The following ZNF813 variants were observed in gnomAD, a reference collection of about 807,000 sequenced individuals.
The protein encoded by ZNF813 is zinc finger protein 813.
In ZNF813, 3 loss-of-function variants were observed where a neutral mutation model predicts 7.2. The observed-to-expected ratio is 0.42, with a 90% CI of 0.19 to 1.08. ZNF813 has a LOEUF of 1.08. Ranked by LOEUF, ZNF813 falls within the 50% of genes least tolerant of loss-of-function variation. The pLI, the probability that ZNF813 is intolerant of heterozygous loss-of-function variation, is 0.30. For synonymous variants in ZNF813, 227 were observed against 256.3 expected (o/e 0.89, Z 1.09); for missense variants, 714 against 753.3 (o/e 0.95, Z 0.61).
chr19:53,485,517 G>T (rs1003639102), intron 2 of ZNF813, among the ~76,000 whole-genome samples: 6 of 151,418 alleles, frequency 4.0e-5, no homozygotes, highest in Non-Finnish European at 7.4e-5. Context: ...TTTTTTGTGA[G>T]TCTCTGTAGG....
intron 3 of ZNF813, 76 bp from the exon 4 acceptor site, chr19:53,490,299 G>GTA (rs1390301966): frequency 1.3e-6 from 2 of 1,500,536 alleles, no homozygotes; most frequent in Non-Finnish European, 1.8e-6. Context: ...AGTATTTTTT[G>GTA]TGTCACATTT....
chr19:53,468,612 G>T (rs2086340329), intron 1 of ZNF813, among the ~76,000 whole-genome samples: 1 of 152,112 alleles, frequency 6.6e-6, no homozygotes, highest in Admixed American at 6.6e-5. Flanking sequence ...TCTATATCAT[G>T]AATAAGTTCA....
Position 53,492,791 on chromosome 19 carries a change from A to G in ZNF813, c.*705A>G. 1 of 529,180 alleles carries G rather than the reference A, an allele frequency of 1.9e-6. No homozygotes were observed. Among genetic ancestry groups the G allele is most frequent in the Admixed American group, 2.3e-5 (1 of 43,572 alleles). 32.8% of individuals were successfully genotyped at this position (529,180 alleles called of 1,614,324 possible). On this transcript the variant is annotated 3_prime_UTR_variant, in exon 4 of 4. Transcript: ENST00000396403. ...CGAACTCATACTGGAGACAAACCTT[A>G]TAAATGTCATGATTGAGGCAAGGTC...
chr19:53,492,650 C>A lies in ZNF813; in HGVS notation c.*564C>A. ...ACTAATGTAATGATTGTCACCAAGTCTTCAGTAACGCTACAACCATTGCAA... is the reference window on the plus strand; with the variant it reads ...ACTAATGTAATGATTGTCACCAAGTATTCAGTAACGCTACAACCATTGCAA... On this transcript the variant is annotated 3_prime_UTR_variant, in exon 4 of 4. Transcript: ENST00000396403. 1 of 796,300 alleles carries A rather than the reference C, an allele frequency of 1.3e-6. No individual in the cohort carries two copies. Among genetic ancestry groups the A allele is most frequent in the South Asian group, 1.3e-5 (1 of 76,850 alleles). 49.3% of individuals were successfully genotyped at this position (796,300 alleles called of 1,614,324 possible). A position where few individuals can be genotyped will look rare whatever the true frequency, so the allele number is the denominator to read the frequency against.
At chr19:53,476,656 GT>G (rs919880822) in intron 1 of ZNF813, among the ~76,000 whole-genome samples, 6 of 151,412 alleles carry the variant, frequency 4.0e-5, no homozygotes, top group Non-Finnish European at 7.4e-5. Context: ...TTGTGGGAGA[GT>G]TTTTTTGTTT....
chr19:53,476,909 G>T (rs62115396), intron 1 of ZNF813, among the ~76,000 whole-genome samples: 19 of 152,086 alleles, frequency 1.2e-4, no homozygotes, highest in African/African-American at 3.4e-4. Flanking sequence ...TGATCCACCC[G>T]CCTTGGCCTC....
At chr19:53,467,920 A>G (rs868056295) in intron 1 of ZNF813, 131 bp downstream of exon 1, 1 of 151,526 alleles carries the variant, frequency 6.6e-6, no homozygotes, top group African/African-American at 2.4e-5. Context: ...AATTGAGACG[A>G]CCCCGTGAGA....
chr19:53,482,050 C>A (rs2086410843), intron 1 of ZNF813, among the ~76,000 whole-genome samples: 1 of 152,116 alleles, frequency 6.6e-6, no homozygotes, highest in African/African-American at 2.4e-5. Context: ...AGGGGCTAGA[C>A]CAGAAAAGCT....
intron 1 of ZNF813, among the ~76,000 whole-genome samples, chr19:53,483,486 C>A (rs2086418996): frequency 6.6e-6 from 1 of 152,170 alleles, no homozygotes; most frequent in African/African-American, 2.4e-5. Context: ...CCGCACCCAG[C>A]CTTTGCATGA....
At chr19:53,474,926 G>T (rs1468268915) in intron 1 of ZNF813, among the ~76,000 whole-genome samples, 2 of 152,124 alleles carry the variant, frequency 1.3e-5, no homozygotes, top group Admixed American at 6.5e-5. Context: ...GGGAGGAGAG[G>T]CATAGCTAAG....
intron 1 of ZNF813, among the ~76,000 whole-genome samples, chr19:53,482,363 A>G (rs1044711305): frequency 6.6e-6 from 1 of 152,182 alleles, no homozygotes; most frequent in African/African-American, 2.4e-5. Context: ...CCCCAGGACA[A>G]AAGGCCAACT....
chr19:53,485,667 C>T lies in ZNF813; in HGVS notation c.16-965C>T, dbSNP rs34483943. ...GTATGTCATGACATATATACACATA[C>T]ACACACAATGGATTTTCATACTTTG... is the stretch of plus-strand genomic sequence containing the variant. On this transcript the variant is annotated intron_variant, in intron 2 of 3. Coordinates refer to ENST00000396403, the MANE Select transcript of ZNF813 (RefSeq NM_001004301.4). Among the ~76,000 whole-genome samples the T allele has an allele frequency of 8.3e-4, 125 of 151,148 alleles. 1 individual carries two copies. The highest frequency in any genetic ancestry group is 1.4e-3 in the Non-Finnish European group (98 of 67,846).
Position 53,491,081 on chromosome 19 carries a change from G to A in ZNF813, c.849G>A (p.Thr283=), listed in dbSNP as rs753848655. Reference sequence around the variant, plus strand: ...AGTGTGGCAAGACTTTCAGTCAGACGTATTCCCTTACATGCCATCGTAGAC... The same window carrying A: ...AGTGTGGCAAGACTTTCAGTCAGACATATTCCCTTACATGCCATCGTAGAC... ...CNECGKTFSQ[T]YSLTCHRRLH... Residue 283 remains threonine, a synonymous_variant, in exon 4 of 4, where the codon ACG becomes ACA. Transcript: ENST00000396403. 1.5e-5 allele frequency: 25 copies of A among 1,613,880 alleles called. No homozygotes were observed. Among genetic ancestry groups the A allele is most frequent in the Admixed American group, 6.7e-5 (4 of 59,980 alleles).
rs1309417993 is a variant in ZNF813 at position 53,494,164 on chromosome 19, C to T, written c.*2078C>T. ...GTATCTACAGTCCTTTTTACATCCT[C>T]TTGAATACAGCTTTTTAGTACAAGG... is the stretch of plus-strand genomic sequence containing the variant. On this transcript the variant is annotated 3_prime_UTR_variant, in exon 4 of 4. Transcript: ENST00000396403. 1 of 152,172 alleles carries T rather than the reference C, an allele frequency of 6.6e-6. No individual in the cohort carries two copies. Among genetic ancestry groups the T allele is most frequent in the Non-Finnish European group, 1.5e-5 (1 of 68,040 alleles). 9.4% of individuals were successfully genotyped at this position (152,172 alleles called of 1,614,324 possible).
At chr19:53,483,060 C>G (rs1471202655) in intron 1 of ZNF813, among the ~76,000 whole-genome samples, 2 of 151,914 alleles carry the variant, frequency 1.3e-5, no homozygotes, top group African/African-American at 4.8e-5. Context: ...TTACAGACAC[C>G]CACCAAGCCC....
chr19:53,475,051 C>G (rs2086375945), intron 1 of ZNF813, among the ~76,000 whole-genome samples: 1 of 152,162 alleles, frequency 6.6e-6, no homozygotes, highest in Non-Finnish European at 1.5e-5. Flanking sequence ...TGCATTATAG[C>G]TACTTTCTCT....
chr19:53,483,898 G>C lies in ZNF813; in HGVS notation c.15+61G>C, dbSNP rs2086421041. Reference sequence around the variant, plus strand: ...TTCCCCTCAGAAATGCTGGGCCTTGGAGTTGGGAATCTTCTCTGAGTCTGA... The same window carrying C: ...TTCCCCTCAGAAATGCTGGGCCTTGCAGTTGGGAATCTTCTCTGAGTCTGA... On this transcript the variant is annotated intron_variant, in intron 2 of 3. Transcript: ENST00000396403. 12 of 1,613,398 alleles carry C rather than the reference G, an allele frequency of 7.4e-6. No homozygotes were observed. The East Asian group carries it at 1.6e-4, about 21-fold the overall frequency.
At chr19:53,488,236 C>T (rs1242814678) in intron 3 of ZNF813, 12 of 455,092 alleles carry the variant, frequency 2.6e-5, no homozygotes, top group South Asian at 4.7e-5. Context: ...TTTGTCTGGC[C>T]GATCTCAAAC....
chr19:53,483,851 T>C lies in ZNF813; in HGVS notation c.15+14T>C, dbSNP rs749453863. ...GCTCTTCCTCAGGTGAGATGATATTTTTGGTGGATTGTTCTGTCTCCTTCC... is the reference window on the plus strand; with the variant it reads ...GCTCTTCCTCAGGTGAGATGATATTCTTGGTGGATTGTTCTGTCTCCTTCC... On this transcript the variant is annotated intron_variant, in intron 2 of 3. Transcript: ENST00000396403. The C allele has an allele frequency of 9.5e-5, 153 of 1,613,506 alleles. 2 individuals carry two copies. The highest frequency in any genetic ancestry group is 8.5e-4 in the East Asian group (38 of 44,874).
Sources: gnomAD v4.1 joint callset for allele counts (sites outside exome capture counted in the v4.1 genomes callset) on GRCh38, gnomAD v4.1.1 for gene constraint, MANE v1.5 for transcripts, NCBI Gene and HGNC (gene_info 2026-07-23, HGNC 2026-07-21) for gene names.